Variants in LRBA observed in about 807,000 individuals in gnomAD.
The protein encoded by LRBA is lipopolysaccharide-responsive and beige-like anchor protein.
A neutral mutation model predicts 330.0 loss-of-function variants in LRBA; 176 were observed. That is an observed-to-expected ratio of 0.53 (90% confidence interval 0.47 to 0.60). The LOEUF is 0.60. Ranked by LOEUF, LRBA falls within the 20% of genes least tolerant of loss-of-function variation. The probability of loss-of-function intolerance (pLI) is 0.00; values close to 1 mark genes in which losing one functional copy is unlikely to be tolerated. For missense variants in LRBA, 3,259 were observed against 3,444.8 expected (o/e 0.95, Z 1.35); for synonymous variants, 1,230 against 1,193.0 (o/e 1.03, Z -0.64).
chr4:150,691,182 G>C (rs1032420569), intron 36 of LRBA, among the ~76,000 whole-genome samples: 2 of 151,670 alleles, frequency 1.3e-5, no homozygotes, highest in South Asian at 2.1e-4. Context: ...TGCCCGCCTT[G>C]GCCTCCCAAA....
intron 37 of LRBA, among the ~76,000 whole-genome samples, chr4:150,646,715 A>G (rs1779171086): frequency 6.6e-6 from 1 of 152,124 alleles, no homozygotes; most frequent in African/African-American, 2.4e-5. Context: ...ACTGTGTCAT[A>G]TGTCAATAGA....
At chr4:150,471,804 T>C in intron 42 of LRBA, 65 bp from the exon 43 acceptor site, 1 of 804,332 alleles carries the variant, frequency 1.2e-6, no homozygotes. Context: ...ATGAATTATC[T>C]GTGCTTATTC....
Position 150,682,317 on chromosome 4 carries a change from C to T in LRBA, c.5921+1234G>A, listed in dbSNP as rs113996927. Among the ~76,000 whole-genome samples the T allele has an allele frequency of 4.6e-3, 696 of 152,238 alleles. 6 individuals carry two copies. Among genetic ancestry groups the T allele is most frequent in the African/African-American group, 0.016 (665 of 41,556 alleles). The stretch of plus-strand genomic sequence containing the variant: ...GGCTTTTAGATGTTGCAAGATAAGG[C>T]ACCAGAGATCACTGACCCATGAATA... On this transcript the variant is annotated intron_variant, in intron 37 of 56. Transcript: ENST00000651943.
chr4:150,750,998 G>T (rs773345640), intron 35 of LRBA, among the ~76,000 whole-genome samples: 2 of 151,306 alleles, frequency 1.3e-5, no homozygotes, highest in African/African-American at 4.9e-5. Context: ...GTTCAGGTAG[G>T]CTATACCCCA....
At chr4:150,894,262 C>T (rs1052168761) in intron 16 of LRBA, among the ~76,000 whole-genome samples, 3 of 152,064 alleles carry the variant, frequency 2.0e-5, no homozygotes, top group Non-Finnish European at 4.4e-5. Flanking sequence ...ATTCACTGTG[C>T]CTCTCCAGAA....
Position 150,808,372 on chromosome 4 carries a change from G to A in LRBA, c.5332C>T (p.Pro1778Ser). 1 of 1,611,338 alleles carries A rather than the reference G, an allele frequency of 6.2e-7. No homozygotes were observed. Among genetic ancestry groups the A allele is most frequent in the Non-Finnish European group, 8.5e-7 (1 of 1,178,018 alleles). The change falls in exon 32 of 57, where the codon CCC (proline) becomes TCC (serine). Residue 1778 changes from proline (P) to serine (S), a missense_variant. Coordinates refer to ENST00000651943, the MANE Select transcript of LRBA (RefSeq NM_001364905.1). ...ACTGAATCAACTGTTGGAACTGAGGGCAATTTTGCATTAGATGATCTACTG... is the reference window on the plus strand; with the variant it reads ...ACTGAATCAACTGTTGGAACTGAGGACAATTTTGCATTAGATGATCTACTG... The part of the protein sequence containing the change: ...PGSRSSNAKL[P>S]SVPTVDSVSQ...
chr4:150,639,839 A>ATG (rs1371442213), intron 37 of LRBA, among the ~76,000 whole-genome samples: 5 of 37,912 alleles, frequency 1.3e-4, no homozygotes, highest in African/African-American at 4.1e-4. Flanking sequence ...ATATATATAT[A>ATG]TATATATATA....
chr4:150,712,046 T>C (rs1025816095), intron 36 of LRBA, among the ~76,000 whole-genome samples: 4 of 152,164 alleles, frequency 2.6e-5, no homozygotes, highest in Non-Finnish European at 4.4e-5. Flanking sequence ...TTTTACTCAA[T>C]TCTTCTGGTG....
At chr4:150,456,471 C>T (rs1754084910) in intron 44 of LRBA, among the ~76,000 whole-genome samples, 1 of 152,092 alleles carries the variant, frequency 6.6e-6, no homozygotes, top group Non-Finnish European at 1.5e-5. Context: ...TGTATGCCTT[C>T]TTTTGAGAAA....
At chr4:150,365,567 A>G (rs1739340410) in intron 47 of LRBA, among the ~76,000 whole-genome samples, 1 of 152,100 alleles carries the variant, frequency 6.6e-6, no homozygotes, top group Non-Finnish European at 1.5e-5. Context: ...CAAGATGGAC[A>G]GATCACCTGA....
intron 34 of LRBA, among the ~76,000 whole-genome samples, chr4:150,773,955 A>G (rs1736921244): frequency 6.6e-6 from 1 of 152,216 alleles, no homozygotes; most frequent in African/African-American, 2.4e-5. Context: ...CCTTTTCCCC[A>G]GTGAACAGTA....
chr4:150,766,344 T>C (rs1050466301), intron 34 of LRBA, among the ~76,000 whole-genome samples: 4 of 152,068 alleles, frequency 2.6e-5, no homozygotes, highest in Admixed American at 6.6e-5. Flanking sequence ...ATGCCAGATA[T>C]ACAAATGCAT....
At chr4:150,618,928 A>C (rs1776041205) in intron 37 of LRBA, among the ~76,000 whole-genome samples, 1 of 151,706 alleles carries the variant, frequency 6.6e-6, no homozygotes, top group South Asian at 2.1e-4. Flanking sequence ...CAAAAGACAA[A>C]TATGCACTTA....
intron 42 of LRBA, among the ~76,000 whole-genome samples, chr4:150,478,594 C>T (rs758338096): frequency 5.3e-5 from 8 of 152,162 alleles, no homozygotes; most frequent in Non-Finnish European, 1.2e-4. Context: ...CAATAGGCTC[C>T]GGTCTTATAT....
intron 40 of LRBA, among the ~76,000 whole-genome samples, chr4:150,570,134 T>G (rs185186204): frequency 6.6e-6 from 1 of 152,224 alleles, no homozygotes; most frequent in Non-Finnish European, 1.5e-5. Flanking sequence ...CACTGAACAC[T>G]AAAGCATAAT....
chr4:150,287,577 C>T (rs1022098505), intron 53 of LRBA, among the ~76,000 whole-genome samples: 12 of 152,158 alleles, frequency 7.9e-5, no homozygotes, highest in Admixed American at 1.3e-4. Flanking sequence ...ACATAATGCA[C>T]GGCCATGTCC....
chr4:150,805,175 A>G (rs572036782), intron 33 of LRBA, among the ~76,000 whole-genome samples: 23 of 148,854 alleles, frequency 1.5e-4, no homozygotes, highest in African/African-American at 5.6e-4. Flanking sequence ...GCAAAAAGAA[A>G]AAAAAAAGGA....
At chr4:150,524,167 A>G (rs970208130) in intron 40 of LRBA, among the ~76,000 whole-genome samples, 2 of 152,208 alleles carry the variant, frequency 1.3e-5, no homozygotes, top group African/African-American at 4.8e-5. Flanking sequence ...AGTCTCCTAC[A>G]AGCACTTCTT....
intron 52 of LRBA, 50 bp from the exon 53 acceptor site, chr4:150,302,842 T>C (rs1729853330): frequency 1.4e-6 from 2 of 1,397,340 alleles, no homozygotes; most frequent in Admixed American, 2.1e-5. Flanking sequence ...AAAATAAAAA[T>C]TCTAGTGAAC....
Sources: allele counts gnomAD v4.1 joint callset (sites outside exome capture counted in the v4.1 genomes callset), GRCh38; gene constraint gnomAD v4.1.1; transcripts MANE v1.5; gene names NCBI Gene and HGNC (gene_info 2026-07-23, HGNC 2026-07-21).